The following SDC2 variants were observed in gnomAD, a reference collection of about 807,000 sequenced individuals.
SDC2 encodes the protein syndecan-2.
SDC2 carries 13 observed loss-of-function variants against 22.2 expected under a neutral mutation model. The observed-to-expected ratio is 0.59, with a 90% CI of 0.38 to 0.93. SDC2 has a LOEUF of 0.93. Ranked by LOEUF, SDC2 falls within the 40% of genes least tolerant of loss-of-function variation. The probability of loss-of-function intolerance (pLI) is 0.00; values close to 1 mark genes in which losing one functional copy is unlikely to be tolerated. For synonymous variants in SDC2, 94 were observed against 92.8 expected (o/e 1.01, Z -0.07); for missense variants, 235 against 246.8 (o/e 0.95, Z 0.32).
rs530580373 is a variant in SDC2 at position 96,506,884 on chromosome 8, C to T, written c.60+12553C>T. On this transcript the variant is annotated intron_variant, in intron 1 of 4. Transcript: ENST00000302190. ...ATTAGCTGGGTGTGGTGGCGGGCGC[C>T]TGTAGTCCCAGCTACTCGGGAGGCT... 3.6e-4 allele frequency among the ~76,000 whole-genome samples: 54 copies of T among 152,092 alleles called. No individual in the cohort carries two copies. In the East Asian group the frequency reaches 9.5e-3, roughly 27 times the overall value.
At chr8:96,542,780 A>G (rs1813872512) in intron 1 of SDC2, among the ~76,000 whole-genome samples, 1 of 152,204 alleles carries the variant, frequency 6.6e-6, no homozygotes, top group Non-Finnish European at 1.5e-5. Flanking sequence ...TCTCTTAGTG[A>G]ATAGAGTTTG....
intron 1 of SDC2, among the ~76,000 whole-genome samples, chr8:96,515,207 G>T (rs185969193): frequency 6.6e-6 from 1 of 152,132 alleles, no homozygotes; most frequent in African/African-American, 2.4e-5. Flanking sequence ...TTAAGGAGTC[G>T]CTTTTTCCCC....
intron 1 of SDC2, among the ~76,000 whole-genome samples, chr8:96,529,758 C>T (rs1813631734): frequency 6.6e-6 from 1 of 152,172 alleles, no homozygotes; most frequent in Non-Finnish European, 1.5e-5. Context: ...TTATTTTTCC[C>T]CTTCCCTGTG....
intron 2 of SDC2, among the ~76,000 whole-genome samples, chr8:96,597,381 A>G (rs1196714279): frequency 6.6e-6 from 1 of 152,204 alleles, no homozygotes; most frequent in Non-Finnish European, 1.5e-5. Flanking sequence ...TAAAACTTCA[A>G]TGAGAAATGA....
intron 1 of SDC2, among the ~76,000 whole-genome samples, chr8:96,505,395 C>T (rs1813224201): frequency 6.6e-6 from 1 of 152,210 alleles, no homozygotes; most frequent in African/African-American, 2.4e-5. Flanking sequence ...CCTCTGCCTC[C>T]CAGGTTCAAG....
chr8:96,499,722 G>C (rs576436650), intron 1 of SDC2, among the ~76,000 whole-genome samples: 36 of 151,960 alleles, frequency 2.4e-4, no homozygotes, highest in Non-Finnish European at 1.3e-4. Flanking sequence ...TTGAGGCACG[G>C]AAGATAGGAC....
intron 1 of SDC2, among the ~76,000 whole-genome samples, chr8:96,500,811 A>C (rs954467094): frequency 6.2e-5 from 9 of 146,318 alleles, no homozygotes; most frequent in African/African-American, 2.2e-4. Context: ...GGAGGGGTGA[A>C]TGCCTCTGAA....
At chr8:96,550,823 A>G (rs1450484782) in intron 1 of SDC2, among the ~76,000 whole-genome samples, 1 of 152,218 alleles carries the variant, frequency 6.6e-6, no homozygotes, top group Non-Finnish European at 1.5e-5. Context: ...AGGAGCCTCT[A>G]GAAGCCTCCT....
chr8:96,583,774 A>T (rs958539939), intron 1 of SDC2, among the ~76,000 whole-genome samples: 1 of 151,598 alleles, frequency 6.6e-6, no homozygotes, highest in Non-Finnish European at 1.5e-5. Context: ...AAATTAATGT[A>T]TGCTTTTTAA....
At chr8:96,544,508 T>C (rs1813901561) in intron 1 of SDC2, among the ~76,000 whole-genome samples, 1 of 152,322 alleles carries the variant, frequency 6.6e-6, no homozygotes, top group East Asian at 1.9e-4. Flanking sequence ...CTGTTCGTTC[T>C]AGCGATCGCT....
intron 1 of SDC2, among the ~76,000 whole-genome samples, chr8:96,568,833 G>T (rs1397560808): frequency 6.6e-6 from 1 of 152,148 alleles, no homozygotes; most frequent in African/African-American, 2.4e-5. Context: ...AGGTAAATGG[G>T]GAACTGTTCA....
rs190002362 is a variant in SDC2 at position 96,552,307 on chromosome 8, C to T, written c.61-41173C>T. Reference sequence around the variant, plus strand: ...CAGAGGCCCTGAGGAACTTCTCTCCCTCCTTTGTTTTGATTTATTAAAGTT... The same window carrying T: ...CAGAGGCCCTGAGGAACTTCTCTCCTTCCTTTGTTTTGATTTATTAAAGTT... On this transcript the variant is annotated intron_variant, in intron 1 of 4. Coordinates refer to ENST00000302190, the MANE Select transcript of SDC2 (RefSeq NM_002998.4). 9.0e-4 allele frequency among the ~76,000 whole-genome samples: 137 copies of T among 152,292 alleles called. 1 individual carries two copies. Among genetic ancestry groups the T allele is most frequent in the African/African-American group, 3.1e-3 (129 of 41,562 alleles).
chr8:96,585,870 T>G (rs1429783937), intron 1 of SDC2, among the ~76,000 whole-genome samples: 3 of 7,268 alleles, frequency 4.1e-4, no homozygotes, highest in Non-Finnish European at 1.9e-3. Context: ...TTTTTTTTTT[T>G]TTTTTTTTGG....
intron 1 of SDC2, among the ~76,000 whole-genome samples, chr8:96,495,984 G>T (rs536813239): frequency 2.6e-5 from 4 of 152,328 alleles, no homozygotes; most frequent in African/African-American, 9.6e-5. Context: ...CCAAAAGGCA[G>T]CAGTTCTCTT....
intron 2 of SDC2, among the ~76,000 whole-genome samples, chr8:96,599,104 G>C (rs1357301715): frequency 1.3e-5 from 2 of 151,778 alleles, no homozygotes; most frequent in African/African-American, 4.8e-5. Context: ...ACCACACCTG[G>C]CTAATTCTTT....
intron 3 of SDC2, among the ~76,000 whole-genome samples, chr8:96,607,594 C>A (rs1815102579): frequency 6.6e-6 from 1 of 152,160 alleles, no homozygotes; most frequent in Non-Finnish European, 1.5e-5. Context: ...GTCCTGCAGG[C>A]TGCTGGCTTG....
At chr8:96,494,481 C>T in intron 1 of SDC2, 150 bp downstream of exon 1, 1 of 702,862 alleles carries the variant, frequency 1.4e-6, no homozygotes, top group Non-Finnish European at 2.3e-6. Flanking sequence ...CTCGTCCGGT[C>T]ACCCTTTCCC....
intron 1 of SDC2, among the ~76,000 whole-genome samples, chr8:96,592,347 T>G (rs2130631296): frequency 6.6e-6 from 1 of 152,360 alleles, no homozygotes; most frequent in South Asian, 2.1e-4. Flanking sequence ...GAAAATTTTA[T>G]TTTAAGATTA....
chr8:96,571,008 C>T (rs960673268), intron 1 of SDC2, among the ~76,000 whole-genome samples: 50 of 152,080 alleles, frequency 3.3e-4, no homozygotes, highest in Non-Finnish European at 6.2e-4. Context: ...AACGGTGTGA[C>T]GATACTGAAT....
Sources: allele counts gnomAD v4.1 joint callset (sites outside exome capture counted in the v4.1 genomes callset), GRCh38; gene constraint gnomAD v4.1.1; transcripts MANE v1.5; gene names NCBI Gene and HGNC (gene_info 2026-07-23, HGNC 2026-07-21).